The following SDCBP variants were observed in gnomAD, a reference collection of about 807,000 sequenced individuals.
The protein encoded by SDCBP is syntenin-1.
Under a neutral mutation model 30.5 loss-of-function variants are expected in SDCBP, and 22 were observed. The observed-to-expected ratio is 0.72, with a 90% CI of 0.52 to 1.03. The LOEUF is 1.03. Among genes scored for constraint, SDCBP ranks in the 50% least tolerant of loss-of-function variants. SDCBP has a pLI of 0.00. For missense variants in SDCBP, 304 were observed against 369.9 expected, an observed-to-expected ratio of 0.82 and a Z score of 1.46; for synonymous variants, 103 against 118.7, an observed-to-expected ratio of 0.87 and a Z score of 0.86.
At chr8:58,579,926 C>T in intron 7 of SDCBP, 132 bp downstream of exon 7, 1 of 749,004 alleles carries the variant, frequency 1.3e-6, no homozygotes, top group Non-Finnish European at 2.1e-6. Flanking sequence ...AACTCTTGGT[C>T]TGGCCAGTCA....
intron 2 of SDCBP, among the ~76,000 whole-genome samples, chr8:58,565,412 A>G (rs1182278736): frequency 6.6e-6 from 1 of 152,112 alleles, no homozygotes; most frequent in Non-Finnish European, 1.5e-5. Flanking sequence ...TTTGTATAAA[A>G]TTGGTATATT....
intron 5 of SDCBP, among the ~76,000 whole-genome samples, chr8:58,577,644 A>C (rs1462858549): frequency 6.6e-6 from 1 of 152,148 alleles, no homozygotes; most frequent in Non-Finnish European, 1.5e-5. Context: ...TTTTCCCCTA[A>C]ATATGATTAT....
chr8:58,572,317 A>G lies in SDCBP; in HGVS notation c.240+3A>G. Reference sequence around the variant, plus strand: ...TTTCTGGTGCACCACTTCAGGGGGTATGTATAGTGTAATTAATTTTGATTT... The same window carrying G: ...TTTCTGGTGCACCACTTCAGGGGGTGTGTATAGTGTAATTAATTTTGATTT... On this transcript the variant is annotated splice_donor_region_variant and intron_variant, in intron 4 of 8. Transcript: ENST00000260130. The G allele has an allele frequency of 6.4e-7, 1 of 1,554,784 alleles. No homozygotes were observed. The highest frequency in any genetic ancestry group is 8.9e-7 in the Non-Finnish European group (1 of 1,126,644).
At chr8:58,557,308 TTATA>T (rs946268039) in intron 1 of SDCBP, among the ~76,000 whole-genome samples, 1 of 131,118 alleles carries the variant, frequency 7.6e-6, no homozygotes, top group Admixed American at 8.3e-5. Context: ...TTATATTTAA[TTATA>T]TATAAATATA....
At chr8:58,567,551 A>C (rs190360453) in intron 2 of SDCBP, among the ~76,000 whole-genome samples, 36 of 152,292 alleles carry the variant, frequency 2.4e-4, no homozygotes, top group Non-Finnish European at 4.7e-4. Flanking sequence ...ATTAGGGTTC[A>C]CTGTTGGTGT....
chr8:58,579,548 C>A lies in SDCBP; in HGVS notation c.579-75C>A, dbSNP rs531328671. On this transcript the variant is annotated intron_variant, in intron 6 of 8. Coordinates refer to ENST00000260130, the MANE Select transcript of SDCBP (RefSeq NM_005625.4). ...ATTATAAAAGTATCCAATATGGCAA[C>A]ATTTATGCTATATGAAATCCATTAA... 1.1e-5 allele frequency: 13 copies of A among 1,165,656 alleles called. No individual in the cohort carries two copies. In the African/African-American group the frequency reaches 1.9e-4, roughly 17 times the overall value. 72.2% of individuals were successfully genotyped at this position (1,165,656 alleles called of 1,614,324 possible). A position where few individuals can be genotyped will look rare whatever the true frequency, so the allele number is the denominator to read the frequency against.
At chr8:58,573,770 A>G (rs57137362) in intron 4 of SDCBP, among the ~76,000 whole-genome samples, 10,172 of 152,212 alleles carry the variant, frequency 0.067, 863 homozygotes, top group East Asian at 0.26. Context: ...TAGGCCCAGC[A>G]TCACCAAGTA....
chr8:58,565,530 G>T (rs555103642), intron 2 of SDCBP, among the ~76,000 whole-genome samples: 2 of 152,096 alleles, frequency 1.3e-5, no homozygotes, highest in African/African-American at 4.8e-5. Flanking sequence ...GAGCAGTCAT[G>T]TAAGAGCACA....
rs554481657 is a variant in SDCBP, at chr8:58,579,746, G to A, written c.702G>A (p.Thr234=). Reference sequence around the variant, plus strand: ...CTGCAGCCAGAAATGGTCTTCTCACGGAACATAACATCTGTGAAATCAATG... The same window carrying A: ...CTGCAGCCAGAAATGGTCTTCTCACAGAACATAACATCTGTGAAATCAATG... The part of the protein sequence containing the change: ...DSSAARNGLL[T]EHNICEINGQ... Residue 234 remains threonine, a synonymous_variant, in exon 7 of 9, where the codon ACG becomes ACA. Coordinates refer to ENST00000260130, the MANE Select transcript of SDCBP (RefSeq NM_005625.4). 83 of 1,612,302 alleles carry A rather than the reference G, an allele frequency of 5.1e-5. No homozygotes were observed. The highest frequency in any genetic ancestry group is 3.7e-4 in the South Asian group (34 of 90,810).
intron 1 of SDCBP, chr8:58,560,195 G>A (rs1265940037): frequency 2.6e-5 from 4 of 152,280 alleles, no homozygotes; most frequent in African/African-American, 9.7e-5. Context: ...GTTGGAATGT[G>A]TGTCCAGTGT....
intron 1 of SDCBP, among the ~76,000 whole-genome samples, chr8:58,556,196 C>T (rs568993476): frequency 1.1e-4 from 16 of 152,322 alleles, no homozygotes; most frequent in Non-Finnish European, 2.2e-4. Flanking sequence ...TCATGGAAGA[C>T]AGTTTTTCCA....
chr8:58,572,182 T>C (rs1398045767), intron 3 of SDCBP, 23 bp from the exon 4 acceptor site: 1 of 1,450,768 alleles, frequency 6.9e-7, no homozygotes, highest in African/African-American at 1.4e-5. Context: ...AAGTGCTTTT[T>C]AATTTATTCA....
intron 8 of SDCBP, among the ~76,000 whole-genome samples, chr8:58,581,304 G>C (rs547415879): frequency 6.6e-6 from 1 of 152,180 alleles, no homozygotes; most frequent in Admixed American, 6.5e-5. Flanking sequence ...ACCCTTGGAG[G>C]GGGTAAAAAG....
chr8:58,580,039 G>T, intron 7 of SDCBP: 2 of 360,034 alleles, frequency 5.6e-6, no homozygotes, highest in Non-Finnish European at 4.9e-6. Context: ...GTGGAAATAT[G>T]GGCAACAAAG....
At chr8:58,555,714 A>C (rs1454346534) in intron 1 of SDCBP, among the ~76,000 whole-genome samples, 3 of 151,006 alleles carry the variant, frequency 2.0e-5, no homozygotes, top group African/African-American at 7.3e-5. Context: ...AATGCTTACT[A>C]TCTGGGTCCA....
intron 2 of SDCBP, among the ~76,000 whole-genome samples, chr8:58,567,741 T>G (rs1804780230): frequency 6.6e-6 from 1 of 152,210 alleles, no homozygotes; most frequent in South Asian, 2.1e-4. Flanking sequence ...TATGGTATAG[T>G]CTGTTGTTCC....
intron 5 of SDCBP, among the ~76,000 whole-genome samples, chr8:58,576,730 T>C (rs1358749586): frequency 1.3e-5 from 2 of 152,254 alleles, no homozygotes; most frequent in Non-Finnish European, 2.9e-5. Context: ...GAACCATTTA[T>C]AATTGTGAAG....
intron 2 of SDCBP, among the ~76,000 whole-genome samples, chr8:58,567,826 A>G (rs1804784744): frequency 1.3e-5 from 2 of 152,208 alleles, no homozygotes; most frequent in Admixed American, 1.3e-4. Flanking sequence ...TACTGTAGGC[A>G]ATTGTTACAC....
At position 58,575,940 on chromosome 8, in the gene SDCBP, C is replaced by T. The variant is rs201473558; in HGVS notation, c.281C>T (p.Ala94Val). The change falls in exon 5 of 9, where the codon GCT becomes GTT. Residue 94 changes from alanine to valine, a missense_variant. Transcript: ENST00000260130. The part of the protein sequence containing the change: ...ARPSSINYMV[A>V]PVTGNDVGIR... ...CCTTCCAGTATAAACTATATGGTGG[C>T]TCCTGTAACTGGTAATGATGTTGGA... is the stretch of plus-strand genomic sequence containing the variant. 269 of 1,613,178 alleles carry T rather than the reference C, an allele frequency of 1.7e-4. No homozygotes were observed. The highest frequency in any genetic ancestry group is 2.2e-4 in the Non-Finnish European group (263 of 1,179,434).
Sources: allele counts gnomAD v4.1 joint callset (sites outside exome capture counted in the v4.1 genomes callset), GRCh38; gene constraint gnomAD v4.1.1; transcripts MANE v1.5; gene names NCBI Gene and HGNC (gene_info 2026-07-23, HGNC 2026-07-21).